The following VTI1A variants were observed in gnomAD, a reference collection of about 807,000 sequenced individuals.
VTI1A encodes the protein vesicle transport through interaction with t-SNAREs homolog 1A.
In VTI1A, 22 loss-of-function variants were observed where a neutral mutation model predicts 34.9. That is an observed-to-expected ratio of 0.63 (90% confidence interval 0.45 to 0.90). The LOEUF (loss-of-function observed/expected upper bound fraction) is 0.90, where lower values mean the gene tolerates loss of function less well. VTI1A is among the 40% of genes least tolerant of loss of function. The pLI, the probability that VTI1A is intolerant of heterozygous loss-of-function variation, is 0.00. For missense variants in VTI1A, 268 were observed against 275.6 expected (o/e 0.97, Z 0.20); for synonymous variants, 87 against 97.3 (o/e 0.89, Z 0.62).
intron 4 of VTI1A, among the ~76,000 whole-genome samples, chr10:112,529,873 A>G (rs763280831): frequency 6.6e-6 from 1 of 152,096 alleles, no homozygotes; most frequent in Non-Finnish European, 1.5e-5. Flanking sequence ...AGATTCGATA[A>G]TATGAATACA....
At chr10:112,823,174 C>T (rs1017527263), downstream of VTI1A, among the ~76,000 whole-genome samples, 7 of 152,198 alleles carry the variant, frequency 4.6e-5, no homozygotes, top group South Asian at 2.1e-4. Context: ...AAAGGAGCCC[C>T]GCTGAGGCTG....
At chr10:112,786,319 A>G (rs188515710) in intron 7 of VTI1A, among the ~76,000 whole-genome samples, 2 of 152,350 alleles carry the variant, frequency 1.3e-5, no homozygotes, top group East Asian at 1.9e-4. Flanking sequence ...TTTGTGTATT[A>G]GTCCTAGTAG....
chr10:112,656,159 G>A (rs928329198), intron 5 of VTI1A, among the ~76,000 whole-genome samples: 32 of 152,242 alleles, frequency 2.1e-4, no homozygotes, highest in African/African-American at 7.5e-4. Context: ...GTGCCAACCC[G>A]AGTTGACTGC....
intron 5 of VTI1A, among the ~76,000 whole-genome samples, chr10:112,664,614 A>G (rs947822459): frequency 1.3e-5 from 2 of 152,196 alleles, no homozygotes; most frequent in African/African-American, 4.8e-5. Context: ...AAAGTATTCA[A>G]TGGCTATTGT....
At chr10:112,572,008 G>A (rs1852143196) in intron 5 of VTI1A, among the ~76,000 whole-genome samples, 1 of 152,112 alleles carries the variant, frequency 6.6e-6, no homozygotes, top group African/African-American at 2.4e-5. Context: ...GGGGCACAAA[G>A]GCTGAAAAAT....
the VTI1A span, among the ~76,000 whole-genome samples, chr10:112,828,771 G>C: frequency 6.6e-6 from 1 of 151,748 alleles, no homozygotes; most frequent in Non-Finnish European, 1.5e-5. Context: ...CAGCACTTTG[G>C]GAAGCTGAGG....
chr10:112,841,778 G>A, the VTI1A span, among the ~76,000 whole-genome samples: 1 of 152,142 alleles, frequency 6.6e-6, no homozygotes, highest in African/African-American at 2.4e-5. Context: ...CAGCATCCCC[G>A]GTGGCATCCA....
chr10:112,823,399 G>A (rs1473006359), downstream of VTI1A: 2 of 152,232 alleles, frequency 1.3e-5, no homozygotes, highest in African/African-American at 4.8e-5. Context: ...AAGTTGCCGA[G>A]TGGCTAAGAG....
intron 5 of VTI1A, among the ~76,000 whole-genome samples, chr10:112,595,473 A>AT (rs1383205664): frequency 6.6e-6 from 1 of 152,112 alleles, no homozygotes. Flanking sequence ...AAGAAAAAAA[A>AT]CAAACAACCC....
chr10:112,756,488 G>A (rs536270862), intron 7 of VTI1A, among the ~76,000 whole-genome samples: 57 of 152,238 alleles, frequency 3.7e-4, no homozygotes, highest in African/African-American at 1.4e-3. Context: ...CAGCGGGCAT[G>A]CTTCCTTCTG....
intron 7 of VTI1A, among the ~76,000 whole-genome samples, chr10:112,812,475 C>G (rs913688422): frequency 1.3e-5 from 2 of 152,230 alleles, no homozygotes; most frequent in African/African-American, 4.8e-5. Context: ...GCCGGCAGCC[C>G]CTGGCTGCGA....
At chr10:112,455,915 A>G (rs185654229) in intron 1 of VTI1A, among the ~76,000 whole-genome samples, 135 of 152,198 alleles carry the variant, frequency 8.9e-4, no homozygotes, top group Middle Eastern at 3.4e-3. Flanking sequence ...TCAAATGGGA[A>G]GATTTGCCCC....
chr10:112,551,449 G>C (rs1851358732), intron 5 of VTI1A, among the ~76,000 whole-genome samples: 2 of 151,936 alleles, frequency 1.3e-5, no homozygotes, highest in South Asian at 4.1e-4. Context: ...CTCTGCTATA[G>C]CAAGAAAAAT....
chr10:112,544,378 C>T (rs896155641), intron 5 of VTI1A, among the ~76,000 whole-genome samples: 1 of 152,190 alleles, frequency 6.6e-6, no homozygotes, highest in African/African-American at 2.4e-5. Flanking sequence ...TACAGGCATC[C>T]ACCACCATGC....
At chr10:112,558,965 G>A (rs1174494818) in intron 5 of VTI1A, among the ~76,000 whole-genome samples, 1 of 152,098 alleles carries the variant, frequency 6.6e-6, no homozygotes, top group Non-Finnish European at 1.5e-5. Context: ...AGAAAGCAAA[G>A]AGTTCTAGAA....
At chr10:112,655,395 C>T (rs918614206) in intron 5 of VTI1A, among the ~76,000 whole-genome samples, 1 of 152,060 alleles carries the variant, frequency 6.6e-6, no homozygotes, top group Non-Finnish European at 1.5e-5. Flanking sequence ...GGTAGCAGGG[C>T]TCCATGAAGA....
intron 5 of VTI1A, among the ~76,000 whole-genome samples, chr10:112,546,647 C>T (rs116621474): frequency 2.0e-5 from 3 of 151,826 alleles, no homozygotes; most frequent in Non-Finnish European, 4.4e-5. Context: ...CACATTTTAT[C>T]TCTATATTTA....
chr10:112,627,212 A>AT (rs1051386615), intron 5 of VTI1A, among the ~76,000 whole-genome samples: 64 of 152,314 alleles, frequency 4.2e-4, no homozygotes, highest in African/African-American at 1.5e-3. Flanking sequence ...TTGGGATTCT[A>AT]TTTTTAACAA....
intron 3 of VTI1A, among the ~76,000 whole-genome samples, chr10:112,518,732 T>C (rs1020342832): frequency 2.6e-5 from 4 of 151,328 alleles, no homozygotes; most frequent in African/African-American, 9.7e-5. Flanking sequence ...AGTGTTGATA[T>C]ACCTACCATA....
Sources: allele counts gnomAD v4.1 joint callset (sites outside exome capture counted in the v4.1 genomes callset), GRCh38; gene constraint gnomAD v4.1.1; transcripts MANE v1.5; gene names NCBI Gene and HGNC (gene_info 2026-07-23, HGNC 2026-07-21).